The following CAV3 variants were observed in gnomAD, a reference collection of about 807,000 sequenced individuals.
CAV3 encodes caveolin 3.
CAV3 carries 10 observed loss-of-function variants against 13.4 expected under a neutral mutation model. That is an observed-to-expected ratio of 0.75 (90% CI 0.46 to 1.27). The LOEUF is 1.27. CAV3 is among the 50% of genes most tolerant of loss of function. CAV3 has a pLI of 0.00. For synonymous variants in CAV3, 90 were observed against 79.0 expected, an observed-to-expected ratio of 1.14 and a Z score of -0.74; for missense variants, 162 against 194.0, an observed-to-expected ratio of 0.83 and a Z score of 0.98.
intron 1 of CAV3, among the ~76,000 whole-genome samples, chr3:8,741,827 C>T (rs1707970088): frequency 6.6e-6 from 1 of 152,194 alleles, no homozygotes. Flanking sequence ...CTACACCTTC[C>T]CCGCCCTCTC....
chr3:8,743,606 G>T (rs1016791128), intron 1 of CAV3, among the ~76,000 whole-genome samples: 1 of 152,186 alleles, frequency 6.6e-6, no homozygotes, highest in Admixed American at 6.5e-5. Flanking sequence ...CTGCAGCCCA[G>T]AGTCTCACCC....
rs201593267 is a variant in CAV3, at chr3:8,745,612, C to A, written c.201C>A (p.Val67=). The change falls in exon 2 of 2, where the codon GTC becomes GTA. Residue 67 remains valine, a synonymous_variant. Coordinates refer to ENST00000343849, the MANE Select transcript of CAV3 (RefSeq NM_033337.3). The surrounding 1 kb of genome is among the most constrained non-coding windows in gnomAD (Gnocchi z 4.8). The stretch of plus-strand genomic sequence containing the variant: ...AGGTGAGCTACACCACCTTCACTGT[C>A]TCCAAGTACTGGTGCTACCGTCTGT... The part of the protein sequence containing the change: ...VWKVSYTTFT[V]SKYWCYRLLS... The A allele has an allele frequency of 4.5e-5, 73 of 1,613,984 alleles. 2 individuals carry two copies. The Middle Eastern group carries it at 4.8e-3, about 105-fold the overall frequency.
chr3:8,744,263 T>C (rs1224028254), intron 1 of CAV3, among the ~76,000 whole-genome samples: 3 of 151,174 alleles, frequency 2.0e-5, no homozygotes. Flanking sequence ...TGCTGTTTAA[T>C]TGACCAGTGG....
chr3:8,745,907 T>C lies in CAV3; in HGVS notation c.*40T>C. Reference sequence around the variant, plus strand: ...ACAGCGGTGGCAGGGCAGGGGGTGGTGGGCCAGACTGGTCCCCGGGGGACT... The same window carrying C: ...ACAGCGGTGGCAGGGCAGGGGGTGGCGGGCCAGACTGGTCCCCGGGGGACT... On this transcript the variant is annotated 3_prime_UTR_variant, in exon 2 of 2. Coordinates refer to ENST00000343849, the MANE Select transcript of CAV3 (RefSeq NM_033337.3). This position sits in a 1 kb window ranked among gnomAD's most constrained non-coding sequence, Gnocchi z 4.8. The C allele has an allele frequency of 6.5e-7, 1 of 1,537,398 alleles. No individual in the cohort carries two copies. Among genetic ancestry groups the C allele is most frequent in the Non-Finnish European group, 8.9e-7 (1 of 1,123,344 alleles).
intron 1 of CAV3, among the ~76,000 whole-genome samples, chr3:8,736,105 T>A (rs1234664107): frequency 6.6e-6 from 1 of 152,230 alleles, no homozygotes; most frequent in Admixed American, 6.5e-5. Context: ...TAAAATATTA[T>A]TAGTTATGGT....
Position 8,745,455 on chromosome 3 carries a change from A to C in CAV3, c.115-71A>C. On this transcript the variant is annotated intron_variant, in intron 1 of 1. Transcript: ENST00000343849. This position sits in a 1 kb window ranked among gnomAD's most constrained non-coding sequence, Gnocchi z 4.8. Reference sequence around the variant, plus strand: ...ACCTCTAGGGGATTCTGACACATGCACGCACACACCCAAAAGCTTGAGAAG... The same window carrying C: ...ACCTCTAGGGGATTCTGACACATGCCCGCACACACCCAAAAGCTTGAGAAG... 8.3e-7 allele frequency: 1 copy of C among 1,202,486 alleles called. No individual in the cohort carries two copies. Among genetic ancestry groups the C allele is most frequent in the South Asian group, 1.2e-5 (1 of 80,522 alleles). 74.5% of individuals were successfully genotyped at this position (1,202,486 alleles called of 1,614,324 possible).
At chr3:8,734,921 G>A (rs1707697366) in intron 1 of CAV3, among the ~76,000 whole-genome samples, 2 of 152,172 alleles carry the variant, frequency 1.3e-5, no homozygotes, top group Admixed American at 1.3e-4. Context: ...GTTTCATTAT[G>A]TTGACCAAGC....
In CAV3 at chr3:8,745,661, C is replaced by G. The variant is rs1467085320; in HGVS notation, c.250C>G (p.Leu84Val). ...RLLSTLLGVP[L>V]ALLWGFLFAC... Reference sequence around the variant, plus strand: ...GTTGTCCACGCTGCTGGGCGTCCCACTGGCCCTGCTCTGGGGCTTCCTGTT... The same window carrying G: ...GTTGTCCACGCTGCTGGGCGTCCCAGTGGCCCTGCTCTGGGGCTTCCTGTT... Residue 84 changes from leucine (L) to valine (V), a missense_variant, in exon 2 of 2, where the codon CTG becomes GTG. By Grantham distance (32) the Leu-to-Val change is conservative. Coordinates refer to ENST00000343849, the MANE Select transcript of CAV3 (RefSeq NM_033337.3). This position sits in a 1 kb window ranked among gnomAD's most constrained non-coding sequence, Gnocchi z 4.8. 11 of 1,614,078 alleles carry G rather than the reference C, an allele frequency of 6.8e-6. No homozygotes were observed. Among genetic ancestry groups the G allele is most frequent in the Non-Finnish European group, 8.5e-6 (10 of 1,180,024 alleles).
Position 8,745,517 on chromosome 3 carries a change from C to A in CAV3, c.115-9C>A. On this transcript the variant is annotated splice_polypyrimidine_tract_variant and intron_variant, in intron 1 of 1. Transcript: ENST00000343849. This position sits in a 1 kb window ranked among gnomAD's most constrained non-coding sequence, Gnocchi z 4.8. ...TGTGAGTTGAGGCTTCCCCTTGCCA[C>A]CCCTGCAGGTGGATTTTGAAGACGT... is the stretch of plus-strand genomic sequence containing the variant. The A allele has an allele frequency of 6.2e-7, 1 of 1,611,912 alleles. No individual in the cohort carries two copies. The highest frequency in any genetic ancestry group is 8.5e-7 in the Non-Finnish European group (1 of 1,178,074).
chr3:8,736,590 G>A (rs147530915), intron 1 of CAV3, among the ~76,000 whole-genome samples: 2 of 152,334 alleles, frequency 1.3e-5, no homozygotes, highest in Admixed American at 1.3e-4. Flanking sequence ...AGTACAGAGG[G>A]AGCCCTTGGA....
intron 1 of CAV3, among the ~76,000 whole-genome samples, chr3:8,734,731 T>C (rs1707691132): frequency 6.6e-6 from 1 of 152,118 alleles, no homozygotes; most frequent in Admixed American, 6.5e-5. Flanking sequence ...TCTTTCTTTT[T>C]TCTTTTTGAG....
intron 1 of CAV3, among the ~76,000 whole-genome samples, chr3:8,737,222 G>C (rs1707787435): frequency 6.6e-6 from 1 of 152,206 alleles, no homozygotes; most frequent in South Asian, 2.1e-4. Context: ...ACAGGTGGTA[G>C]CAGGTTTCTC....
intron 1 of CAV3, chr3:8,742,485 C>T (rs1330200551): frequency 8.8e-6 from 4 of 456,490 alleles, no homozygotes; most frequent in South Asian, 1.5e-5. Context: ...GGACTCCATC[C>T]GTCTTATCAG....
chr3:8,742,093 G>A (rs1046020535), intron 1 of CAV3, among the ~76,000 whole-genome samples: 5 of 152,114 alleles, frequency 3.3e-5, no homozygotes, highest in African/African-American at 7.2e-5. Flanking sequence ...TGAAGTCACC[G>A]TATGCTTGTG....
chr3:8,741,293 T>C (rs1707950866), intron 1 of CAV3, among the ~76,000 whole-genome samples: 2 of 152,236 alleles, frequency 1.3e-5, no homozygotes, highest in East Asian at 1.9e-4. Context: ...CCAATGTTTA[T>C]TGTTAGATTC....
chr3:8,739,898 A>G (rs2124982402), intron 1 of CAV3, among the ~76,000 whole-genome samples: 1 of 152,284 alleles, frequency 6.6e-6, no homozygotes, highest in Non-Finnish European at 1.5e-5. Context: ...CTACAGTCAG[A>G]TGGTGGCTGA....
intron 1 of CAV3, among the ~76,000 whole-genome samples, chr3:8,734,787 C>T (rs866796858): frequency 2.6e-5 from 4 of 152,348 alleles, no homozygotes; most frequent in Non-Finnish European, 4.4e-5. Context: ...CGCACACTCA[C>T]GCCTCACTGC....
At chr3:8,735,788 G>C (rs1707733124) in intron 1 of CAV3, among the ~76,000 whole-genome samples, 1 of 152,158 alleles carries the variant, frequency 6.6e-6, no homozygotes. Context: ...AGAAGTGCCT[G>C]TCCTCTCTTC....
At chr3:8,738,250 A>ATAC (rs1223545273) in intron 1 of CAV3, among the ~76,000 whole-genome samples, 1 of 152,100 alleles carries the variant, frequency 6.6e-6, no homozygotes, top group Non-Finnish European at 1.5e-5. Context: ...CCTCTCCATG[A>ATAC]TACTACTCCC....
Sources: allele counts gnomAD v4.1 joint callset (sites outside exome capture counted in the v4.1 genomes callset), GRCh38; gene constraint gnomAD v4.1.1; non-coding constraint Gnocchi (gnomAD v3.1); transcripts MANE v1.5; gene names NCBI Gene and HGNC (gene_info 2026-07-23, HGNC 2026-07-21).